The following SYNE2 variants were observed in gnomAD, a reference collection of about 807,000 sequenced individuals.
SYNE2 encodes nesprin-2.
SYNE2 carries 431 observed loss-of-function variants against 856.3 expected under a neutral mutation model. The ratio of observed to expected loss-of-function variants is 0.50; its 90% CI spans 0.47 to 0.55. The LOEUF (loss-of-function observed/expected upper bound fraction) is 0.55. Ranked by LOEUF, SYNE2 falls within the 20% of genes least tolerant of loss-of-function variation. The pLI, the probability that SYNE2 is intolerant of heterozygous loss-of-function variation, is 0.00. For synonymous variants in SYNE2, 2,923 were observed against 2,872.3 expected (o/e 1.02, Z -0.56); for missense variants, 8,129 against 8,023.2 (o/e 1.01, Z -0.50).
rs191057574 is a variant in SYNE2 at position 64,163,476 on chromosome 14, A to T, written c.16374A>T (p.Gln5458His). ...CCAGTGTCCTGGATCGACTCCCACA[A>T]CCCGCAGAGTCCAGCACCCACATGC... is the stretch of plus-strand genomic sequence containing the variant. ...QNSSVLDRLP[Q>H]PAESSTHMLL... Residue 5458 changes from glutamine to histidine, a missense_variant, in exon 89 of 116, where the codon CAA becomes CAT. Transcript: ENST00000555002. 287 of 1,613,996 alleles carry T rather than the reference A, an allele frequency of 1.8e-4. 2 individuals are homozygous for T. The East Asian group carries it at 6.1e-3, about 34-fold the overall frequency.
upstream of SYNE2, among the ~76,000 whole-genome samples, chr14:63,852,286 T>C (rs921521128): frequency 6.6e-6 from 1 of 152,072 alleles, no homozygotes; most frequent in African/African-American, 2.4e-5. Context: ...GGGTGTCAAG[T>C]GGCATCATCC....
chr14:64,151,047 T>C (rs1000165008), intron 84 of SYNE2, among the ~76,000 whole-genome samples: 2 of 152,184 alleles, frequency 1.3e-5, no homozygotes, highest in African/African-American at 4.8e-5. Context: ...CTCTAAATTC[T>C]AAAAGCATAG....
rs1441397229 is a variant in SYNE2, at chr14:64,002,723, A to G, written c.3790A>G (p.Ile1264Val). The G allele has an allele frequency of 4.3e-6, 7 of 1,611,844 alleles. No individual in the cohort carries two copies. The South Asian group carries it at 7.7e-5, about 18-fold the overall frequency. The stretch of plus-strand genomic sequence containing the variant: ...GCTTTTCTTATCTTTATTTTAGAAT[A>G]TCCAAGATTCCATAGCAAAACAGAT... Reference protein sequence around the residue: ...ADRIYQHLRNIQDSIAKQIEI... With the variant: ...ADRIYQHLRNVQDSIAKQIEI... The change falls in exon 30 of 116, where the codon ATC becomes GTC. Residue 1264 changes from isoleucine to valine, a missense_variant. This residue lies in a region of SYNE2 where 2,422 missense variants were observed against 2,357.4 expected (regional missense o/e 1.03). Coordinates refer to ENST00000555002, the MANE Select transcript of SYNE2 (RefSeq NM_182914.3).
At chr14:64,214,144 G>C in intron 105 of SYNE2, 50 bp from the exon 106 acceptor site, 1 of 1,613,968 alleles carries the variant, frequency 6.2e-7, no homozygotes, top group Non-Finnish European at 8.5e-7. Context: ...TCTTCTAATT[G>C]CAGAAGCCTA....
intron 32 of SYNE2, among the ~76,000 whole-genome samples, chr14:64,015,559 A>G (rs1396324895): frequency 6.6e-6 from 1 of 151,754 alleles, no homozygotes; most frequent in African/African-American, 2.4e-5. Flanking sequence ...CTAGGACTGT[A>G]TTGCTTTCTT....
At chr14:63,826,895 C>T (rs1402745999) in intron 1 of SYNE2, among the ~76,000 whole-genome samples, 2 of 151,940 alleles carry the variant, frequency 1.3e-5, no homozygotes, top group Non-Finnish European at 1.5e-5. Flanking sequence ...TTAAAAACTC[C>T]CCAAGAAAGT....
chr14:64,083,582 G>T (rs1233142974), intron 57 of SYNE2, among the ~76,000 whole-genome samples: 1 of 152,136 alleles, frequency 6.6e-6, no homozygotes, highest in Non-Finnish European at 1.5e-5. Flanking sequence ...GAAGGCTCGG[G>T]TTTATTTCTA....
In SYNE2 at chr14:64,087,656, T is replaced by A; in HGVS notation, c.11485-15T>A. The A allele has an allele frequency of 6.2e-7, 1 of 1,613,546 alleles. No homozygotes were observed. Among genetic ancestry groups the A allele is most frequent in the East Asian group, 2.2e-5 (1 of 44,830 alleles). On this transcript the variant is annotated splice_polypyrimidine_tract_variant and intron_variant, in intron 57 of 115. Transcript: ENST00000555002. The stretch of plus-strand genomic sequence containing the variant: ...TGATGTTTCTCTCTATTTTTCCCAT[T>A]CTGTGTTTATCTAGATGGCTTTGGA...
In SYNE2 at chr14:64,093,349, G is replaced by A; in HGVS notation, c.11977G>A (p.Val3993Ile). ...VTQEQNELLKVVIKQTNEWDE... is the reference protein window; with the variant it reads ...VTQEQNELLKIVIKQTNEWDE... Reference sequence around the variant, plus strand: ...CTTTTTTGTGGGGGTTATTTTATAGGTAGTCATAAAACAGACCAATGAATG... The same window carrying A: ...CTTTTTTGTGGGGGTTATTTTATAGATAGTCATAAAACAGACCAATGAATG... The change falls in exon 61 of 116, where the codon GTA becomes ATA. Residue 3993 changes from valine (V) to isoleucine (I), a missense_variant and splice_region_variant. This residue lies in a region of SYNE2 where 5,410 missense variants were observed against 5,284.8 expected (regional missense o/e 1.02). Transcript: ENST00000555002. The A allele has an allele frequency of 6.2e-7, 1 of 1,613,658 alleles. No homozygotes were observed. Among genetic ancestry groups the A allele is most frequent in the Non-Finnish European group, 8.5e-7 (1 of 1,179,674 alleles).
Position 64,037,081 on chromosome 14 carries a change from C to G in SYNE2, c.7221+5724C>G, listed in dbSNP as rs555193582. ...GACTGGAAGTGTCAGTTGGAGTTAA[C>G]AGAGCTCAGGGCTGGGTGTGGGGAG... On this transcript the variant is annotated intron_variant, in intron 45 of 115. Transcript: ENST00000555002. Among the ~76,000 whole-genome samples, 9 of 151,772 alleles carry G rather than the reference C, an allele frequency of 5.9e-5. No homozygotes were observed. The East Asian group carries it at 1.7e-3, about 29-fold the overall frequency.
intron 2 of SYNE2, among the ~76,000 whole-genome samples, chr14:63,922,657 T>A (rs1290836898): frequency 6.6e-6 from 1 of 152,250 alleles, no homozygotes; most frequent in African/African-American, 2.4e-5. Flanking sequence ...AATATTTATT[T>A]TGAGATATAT....
intron 58 of SYNE2, 79 bp from the exon 59 acceptor site, chr14:64,089,495 A>C: frequency 6.9e-7 from 1 of 1,449,360 alleles, no homozygotes; most frequent in Non-Finnish European, 9.4e-7. Context: ...TAAGAGAATA[A>C]AATTAATGCC....
intron 1 of SYNE2, among the ~76,000 whole-genome samples, chr14:63,865,791 C>G (rs911437855): frequency 1.4e-5 from 2 of 146,750 alleles, no homozygotes; most frequent in African/African-American, 2.5e-5. Context: ...GCTGGGCAAC[C>G]AAGCAAGACC....
In SYNE2 at chr14:64,027,876, G is replaced by A. The variant is rs2096993223; in HGVS notation, c.6714+83G>A. ...GACATATGTGGAACTATCTGTTGTT[G>A]TTGTTCATTTTGTTTTGTTTTATTT... On this transcript the variant is annotated intron_variant, in intron 43 of 115. Transcript: ENST00000555002. 2.7e-6 allele frequency: 3 copies of A among 1,103,256 alleles called. No homozygotes were observed. In the African/African-American group the frequency reaches 4.8e-5, roughly 18 times the overall value. 68.3% of individuals were successfully genotyped at this position (1,103,256 alleles called of 1,614,324 possible).
intron 14 of SYNE2, among the ~76,000 whole-genome samples, chr14:63,980,076 C>A (rs888040462): frequency 2.0e-5 from 3 of 152,234 alleles, no homozygotes; most frequent in Admixed American, 6.5e-5. Context: ...TTGAGTATTT[C>A]TATTTCTTTT....
chr14:64,021,245 A>T, intron 35 of SYNE2, 70 bp from the exon 36 acceptor site: 1 of 1,186,438 alleles, frequency 8.4e-7, no homozygotes. Flanking sequence ...CCCATTCTCT[A>T]GCAATGCAGT....
intron 79 of SYNE2, among the ~76,000 whole-genome samples, chr14:64,139,083 A>C (rs1007543478): frequency 5.9e-5 from 9 of 151,766 alleles, no homozygotes. Context: ...TCCTGGGCTC[A>C]AGTAATCTTC....
chr14:64,115,056 G>T (rs935993746), intron 66 of SYNE2, among the ~76,000 whole-genome samples: 2 of 152,136 alleles, frequency 1.3e-5, no homozygotes, highest in Non-Finnish European at 2.9e-5. Flanking sequence ...AACTCAACTC[G>T]AGGCAGTCCA....
intron 111 of SYNE2, 49 bp downstream of exon 111, chr14:64,220,686 G>A (rs369967176): frequency 3.6e-5 from 58 of 1,598,450 alleles, no homozygotes; most frequent in Non-Finnish European, 4.7e-5. Context: ...CCAGGCCCAC[G>A]TGGTAGGAGC....
Sources: allele counts gnomAD v4.1 joint callset (sites outside exome capture counted in the v4.1 genomes callset), GRCh38; gene constraint gnomAD v4.1.1; regional missense constraint gnomAD v4.1.1; transcripts MANE v1.5; gene names NCBI Gene and HGNC (gene_info 2026-07-23, HGNC 2026-07-21).